CFAP99: variants seen among roughly 807,000 people sequenced by gnomAD.
CFAP99 encodes cilia- and flagella-associated protein 99.
CFAP99 carries 84 observed loss-of-function variants against 82.7 expected under a neutral mutation model. The observed-to-expected ratio is 1.02, with a 90% CI of 0.85 to 1.22. The LOEUF is 1.22. CFAP99 is among the 50% of genes most tolerant of loss of function. CFAP99 has a pLI of 0.00. For synonymous variants in CFAP99, 456 were observed against 429.5 expected, an observed-to-expected ratio of 1.06 and a Z score of -0.76; for missense variants, 1,059 against 983.5, an observed-to-expected ratio of 1.08 and a Z score of -1.03.
chr4:2,450,023 CAAG>C lies in CFAP99; in HGVS notation c.795+20_795+22del. 1 of 1,535,468 alleles carries C rather than the reference CAAG, an allele frequency of 6.5e-7. No homozygotes were observed. The highest frequency in any genetic ancestry group is 2.0e-5 in the Admixed American group (1 of 50,996). ...GAGTGCAGGTACCGCCCAGCTCTCT[CAAG>C]ACCCATCATCGAGGTGCCATCTTCT... On this transcript the variant is annotated intron_variant, in intron 8 of 14. Coordinates refer to ENST00000635017, the Ensembl canonical transcript of CFAP99.
rs111506487 is a variant in CFAP99 at position 2,435,162 on chromosome 4, G to A, written c.112-1712G>A. On this transcript the variant is annotated intron_variant, in intron 2 of 14. Transcript: ENST00000635017. ...TATACGAAAAATTAGCCAGGCGTGG[G>A]TGGCTGGAGCCTGTAGTCCCAGCTG... is the stretch of plus-strand genomic sequence containing the variant. Among the ~76,000 whole-genome samples, 27 of 152,124 alleles carry A rather than the reference G, an allele frequency of 1.8e-4. 1 individual carries two copies. The highest frequency in any genetic ancestry group is 6.3e-4 in the African/African-American group (26 of 41,490).
At chr4:2,432,360 C>A (rs554063331) in intron 2 of CFAP99, among the ~76,000 whole-genome samples, 18 of 152,368 alleles carry the variant, frequency 1.2e-4, no homozygotes, top group African/African-American at 4.1e-4. Context: ...GCTCTATCAT[C>A]AAGGAGAGTT....
At chr4:2,444,164 G>T (rs1197926970) in intron 5 of CFAP99, among the ~76,000 whole-genome samples, 1 of 152,134 alleles carries the variant, frequency 6.6e-6, no homozygotes, top group Non-Finnish European at 1.5e-5. Flanking sequence ...ACCTCCAAAG[G>T]AAGGAGTAGG....
chr4:2,420,838 C>T (rs1405264464), intron 1 of CFAP99, among the ~76,000 whole-genome samples: 1 of 152,200 alleles, frequency 6.6e-6, no homozygotes, highest in Non-Finnish European at 1.5e-5. Context: ...CCTGCCATCA[C>T]CTCCTCGGCC....
At chr4:2,439,331 A>G (rs1482596915) in intron 4 of CFAP99, among the ~76,000 whole-genome samples, 2 of 152,170 alleles carry the variant, frequency 1.3e-5, no homozygotes, top group East Asian at 1.9e-4. Flanking sequence ...CTTACTCTGC[A>G]TGGAGGGGAC....
chr4:2,449,394 C>T (rs966063959), intron 6 of CFAP99, among the ~76,000 whole-genome samples: 5 of 152,096 alleles, frequency 3.3e-5, no homozygotes, highest in Admixed American at 6.6e-5. Flanking sequence ...GATGGTACGC[C>T]CTCAGTACTG....
intron 13 of CFAP99, among the ~76,000 whole-genome samples, chr4:2,459,747 G>C (rs1734568319): frequency 1.3e-5 from 2 of 152,202 alleles, no homozygotes. Context: ...AGTGCAAACG[G>C]CTGTCTGCCC....
intron 11 of CFAP99, among the ~76,000 whole-genome samples, chr4:2,454,421 G>C (rs547275835): frequency 9.2e-5 from 14 of 152,186 alleles, no homozygotes; most frequent in African/African-American, 3.1e-4. Context: ...ACAGGTGGAA[G>C]CCACCACGCC....
chr4:2,444,502 C>T (rs1265606851), intron 5 of CFAP99, among the ~76,000 whole-genome samples: 2 of 152,204 alleles, frequency 1.3e-5, no homozygotes, highest in Non-Finnish European at 2.9e-5. Context: ...TGGGAGCCCA[C>T]ACAAGAGGAT....
At chr4:2,452,154 C>T (rs146333010) in exon 11 of CFAP99, 7 of 1,535,886 alleles carry the variant, frequency 4.6e-6, no homozygotes, top group East Asian at 2.4e-5. Flanking sequence ...TTGATAAGCT[C>T]GTGGATGGGG....
intron 5 of CFAP99, 97 bp from the exon 6 acceptor site, chr4:2,445,034 C>T (rs1734128514): frequency 1.1e-6 from 1 of 912,306 alleles, no homozygotes; most frequent in South Asian, 5.1e-5. Flanking sequence ...CAAGGTGGAC[C>T]CAATCGCTGC....
At position 2,462,886 on chromosome 4, in the gene CFAP99, G is replaced by C; in HGVS notation, c.2105G>C (p.Gly702Ala). The change falls in exon 15 of 15, where the codon GGC becomes GCC. Residue 702 changes from glycine (G) to alanine (A), a missense_variant. Gly to Ala is a moderately conservative substitution (Grantham distance 60, BLOSUM62 0). Coordinates refer to ENST00000635017, the Ensembl canonical transcript of CFAP99. This position sits in a 1 kb window ranked among gnomAD's most constrained non-coding sequence, Gnocchi z 4.1. ...AGGCTGCAGGCGCTGCAGCAGGGAG[G>C]CTCAGGACCCGGGCCCGCGCGCCGC... The C allele has an allele frequency of 7.3e-7, 1 of 1,369,484 alleles. No homozygotes were observed. The highest frequency in any genetic ancestry group is 9.4e-7 in the Non-Finnish European group (1 of 1,062,046). 84.8% of individuals were successfully genotyped at this position (1,369,484 alleles called of 1,614,324 possible). A position where few individuals can be genotyped will look rare whatever the true frequency, so the allele number is the denominator to read the frequency against.
intron 13 of CFAP99, 80 bp downstream of exon 13, chr4:2,459,338 C>T (rs1734521194): frequency 5.6e-6 from 8 of 1,429,604 alleles, no homozygotes; most frequent in African/African-American, 2.9e-5. Context: ...TTCCAGGGTT[C>T]CCACCAGAGC....
In CFAP99 at chr4:2,460,097, CTGCTCAAAGAG is replaced by C; in HGVS notation, c.1517_1527del (p.Leu506GlnfsTer?). 1 of 1,536,098 alleles carries C rather than the reference CTGCTCAAAGAG, an allele frequency of 6.5e-7. No homozygotes were observed. The highest frequency in any genetic ancestry group is 8.7e-7 in the Non-Finnish European group (1 of 1,146,902). ...AGTGGAGCTGCGAGAGCGGCTGGCC[CTGCTCAAAGAG>C]AATCAGCGGCGCAAGGAGGAAGAAA... is the stretch of plus-strand genomic sequence containing the variant. On this transcript the variant is annotated frameshift_variant, in exon 14 of 15. Coordinates refer to ENST00000635017, the Ensembl canonical transcript of CFAP99. LOFTEE classifies it high-confidence loss of function.
chr4:2,422,480 G>A (rs1560375027), intron 1 of CFAP99, among the ~76,000 whole-genome samples: 2 of 152,110 alleles, frequency 1.3e-5, no homozygotes, highest in Admixed American at 6.5e-5. Context: ...CCTCCTCCTC[G>A]ATTTGCATCA....
Position 2,451,027 on chromosome 4 carries a change from T to C in CFAP99, c.867+9T>C, listed in dbSNP as rs1734287601. ...AGCTGACCTTCTATAGGGTGAGGGGTGCTCCTGGATGGTCAGGCTGCTCTC... is the reference window on the plus strand; with the variant it reads ...AGCTGACCTTCTATAGGGTGAGGGGCGCTCCTGGATGGTCAGGCTGCTCTC... On this transcript the variant is annotated intron_variant, in intron 9 of 14. Transcript: ENST00000635017. The C allele has an allele frequency of 2.6e-6, 4 of 1,535,040 alleles. No individual in the cohort carries two copies. The highest frequency in any genetic ancestry group is 3.5e-6 in the Non-Finnish European group (4 of 1,146,432).
chr4:2,447,403 T>A (rs113785350), intron 6 of CFAP99, among the ~76,000 whole-genome samples: 1 of 149,664 alleles, frequency 6.7e-6, no homozygotes, highest in Non-Finnish European at 1.5e-5. Context: ...AATGGTAGGA[T>A]GGTGGGTGGG....
At chr4:2,429,975 T>A (rs1257521288) in intron 2 of CFAP99, among the ~76,000 whole-genome samples, 1 of 152,210 alleles carries the variant, frequency 6.6e-6, no homozygotes, top group Non-Finnish European at 1.5e-5. Context: ...CTCGCTTTCC[T>A]CTCCAGCTAT....
intron 13 of CFAP99, 117 bp downstream of exon 13, chr4:2,459,375 A>G: frequency 8.1e-7 from 1 of 1,229,424 alleles, no homozygotes; most frequent in East Asian, 2.6e-5. Flanking sequence ...ACCACCTGAA[A>G]CCTGGCCCGC....
Sources: allele counts gnomAD v4.1 joint callset (sites outside exome capture counted in the v4.1 genomes callset), GRCh38; gene constraint gnomAD v4.1.1; non-coding constraint Gnocchi (gnomAD v3.1); transcripts MANE v1.5; gene names NCBI Gene and HGNC (gene_info 2026-07-23, HGNC 2026-07-21).